CMIP: variants seen among roughly 807,000 people sequenced by gnomAD.
The protein encoded by CMIP is c-Maf inducing protein, also known as C-Maf-inducing protein.
In CMIP, 13 loss-of-function variants were observed where a neutral mutation model predicts 97.3. The observed-to-expected ratio is 0.13, with a 90% CI of 0.09 to 0.21. The LOEUF (loss-of-function observed/expected upper bound fraction) is 0.21. Among genes scored for constraint, CMIP ranks in the 10% least tolerant of loss-of-function variants. The pLI is 1.00. For missense variants in CMIP, 847 were observed against 1,024.9 expected (o/e 0.83, Z 2.37); for synonymous variants, 538 against 436.3 (o/e 1.23, Z -2.91).
chr16:81,569,462 C>G lies in CMIP; in HGVS notation c.301-38105C>G, dbSNP rs140725639. ...CTGGCTCTCCCAGAGGGACATGGCA[C>G]TGGCTGGGCCTCAGGGGATCCTGGC... On this transcript the variant is annotated intron_variant, in intron 1 of 20. Transcript: ENST00000537098. Among the ~76,000 whole-genome samples the G allele has an allele frequency of 1.1e-4, 16 of 152,324 alleles. No homozygotes were observed. The East Asian group carries it at 2.5e-3, about 24-fold the overall frequency.
intron 1 of CMIP, among the ~76,000 whole-genome samples, chr16:81,463,034 T>C (rs910603635): frequency 6.6e-6 from 1 of 151,900 alleles, no homozygotes; most frequent in African/African-American, 2.4e-5. Context: ...GATCCTTTAC[T>C]GAGTCTCTAT....
chr16:81,471,404 A>T (rs1013035331), intron 1 of CMIP, among the ~76,000 whole-genome samples: 1 of 139,882 alleles, frequency 7.1e-6, no homozygotes, highest in African/African-American at 2.5e-5. Context: ...ACACGTACAA[A>T]TGCATACACA....
At chr16:81,459,578 C>T (rs1165022038) in intron 1 of CMIP, among the ~76,000 whole-genome samples, 1 of 152,220 alleles carries the variant, frequency 6.6e-6, no homozygotes, top group East Asian at 1.9e-4. Flanking sequence ...ATTTTGATCT[C>T]GGAAAATATG....
chr16:81,492,239 A>C (rs998820006), intron 1 of CMIP, among the ~76,000 whole-genome samples: 4 of 152,120 alleles, frequency 2.6e-5, no homozygotes, highest in African/African-American at 9.7e-5. Flanking sequence ...ACAGGGTGCA[A>C]GCGTCCTTAT....
chr16:81,668,650 G>A (rs1480529115), intron 7 of CMIP, among the ~76,000 whole-genome samples: 1 of 152,096 alleles, frequency 6.6e-6, no homozygotes, highest in African/African-American at 2.4e-5. Flanking sequence ...TTTCCCTAGC[G>A]TGGCACAGAT....
chr16:81,470,469 G>A (rs902719156), intron 1 of CMIP, among the ~76,000 whole-genome samples: 3 of 152,230 alleles, frequency 2.0e-5, no homozygotes, highest in African/African-American at 7.2e-5. Flanking sequence ...CCTCAAAACA[G>A]CTTTCTTTTC....
intron 1 of CMIP, among the ~76,000 whole-genome samples, chr16:81,454,570 G>A (rs1906430972): frequency 1.3e-5 from 2 of 152,258 alleles, no homozygotes; most frequent in Non-Finnish European, 2.9e-5. Flanking sequence ...TAAAGGGTAA[G>A]CATTAGGTGT....
chr16:81,592,005 G>T (rs1180578084), intron 1 of CMIP, among the ~76,000 whole-genome samples: 1 of 151,568 alleles, frequency 6.6e-6, no homozygotes, highest in South Asian at 2.1e-4. Flanking sequence ...TGTGTTTTTA[G>T]TAGAGACAGG....
intron 18 of CMIP, among the ~76,000 whole-genome samples, chr16:81,705,209 C>T (rs1468040837): frequency 3.9e-5 from 6 of 152,300 alleles, no homozygotes; most frequent in South Asian, 2.1e-4. Flanking sequence ...GGCAGCATCT[C>T]GAAGCTAGGG....
At chr16:81,587,549 G>A (rs1223825186) in intron 1 of CMIP, among the ~76,000 whole-genome samples, 1 of 152,134 alleles carries the variant, frequency 6.6e-6, no homozygotes, top group African/African-American at 2.4e-5. Context: ...CTTTGAGGTG[G>A]GTGTTCTTCT....
At chr16:81,547,581 C>T (rs889569356) in intron 1 of CMIP, among the ~76,000 whole-genome samples, 14 of 151,234 alleles carry the variant, frequency 9.3e-5, no homozygotes, top group Admixed American at 1.3e-4. Flanking sequence ...CAGGCAAAAG[C>T]GAGGGTTTGC....
chr16:81,703,811 G>A (rs1907703378), intron 17 of CMIP, 128 bp from the exon 18 acceptor site: 3 of 1,324,312 alleles, frequency 2.3e-6, no homozygotes, highest in Admixed American at 2.5e-5. Flanking sequence ...TCAGCTCCTG[G>A]GATTTACCGC....
intron 3 of CMIP, among the ~76,000 whole-genome samples, chr16:81,644,250 C>G (rs948927314): frequency 6.6e-6 from 1 of 152,188 alleles, no homozygotes; most frequent in Non-Finnish European, 1.5e-5. Flanking sequence ...ATGTATTTCA[C>G]TGGAAATGTG....
chr16:81,696,723 C>G, intron 14 of CMIP, 56 bp downstream of exon 14: 1 of 1,521,902 alleles, frequency 6.6e-7, no homozygotes, highest in South Asian at 1.2e-5. Flanking sequence ...CTTGCCATGC[C>G]TGACTAGTAA....
At chr16:81,588,535 G>A (rs915937649) in intron 1 of CMIP, among the ~76,000 whole-genome samples, 1 of 152,102 alleles carries the variant, frequency 6.6e-6, no homozygotes, top group Non-Finnish European at 1.5e-5. Flanking sequence ...CAGCATTGTC[G>A]GTGTGACAAT....
intron 1 of CMIP, among the ~76,000 whole-genome samples, chr16:81,532,525 C>G (rs1255605308): frequency 2.6e-5 from 4 of 152,164 alleles, no homozygotes; most frequent in Non-Finnish European, 5.9e-5. Flanking sequence ...TCCCCAGGGA[C>G]TAGCGCTGTT....
chr16:81,655,258 G>A lies in CMIP; in HGVS notation c.640-2517G>A, dbSNP rs2092469752. Among the ~76,000 whole-genome samples, 1 of 152,146 alleles carries A rather than the reference G, an allele frequency of 6.6e-6. No homozygotes were observed. The highest frequency in any genetic ancestry group is 6.5e-5 in the Admixed American group (1 of 15,280). On this transcript the variant is annotated intron_variant, in intron 4 of 20. Transcript: ENST00000537098. The surrounding 1 kb of genome is among the most constrained non-coding windows in gnomAD (Gnocchi z 4.9). ...TTTCTCTGTTCTGTTTGCCCAAGTT[G>A]TTTGCAAGGCCTCCTCTGGAGAGGT...
intron 1 of CMIP, among the ~76,000 whole-genome samples, chr16:81,458,093 A>T (rs1906672936): frequency 6.6e-6 from 1 of 152,214 alleles, no homozygotes; most frequent in South Asian, 2.1e-4. Context: ...AATGACTTCA[A>T]AACCTGCTTC....
At chr16:81,494,711 C>G (rs944965258) in intron 1 of CMIP, among the ~76,000 whole-genome samples, 1 of 152,238 alleles carries the variant, frequency 6.6e-6, no homozygotes, top group African/African-American at 2.4e-5. Context: ...AGGCCAACTG[C>G]AAAGCCTGTG....
Sources: gnomAD v4.1 joint callset for allele counts (sites outside exome capture counted in the v4.1 genomes callset) on GRCh38, gnomAD v4.1.1 for gene constraint, Gnocchi (gnomAD v3.1) non-coding constraint, MANE v1.5 for transcripts, NCBI Gene and HGNC (gene_info 2026-07-23, HGNC 2026-07-21) for gene names.